Variants in TNNI3K observed in about 807,000 individuals in gnomAD.
TNNI3K encodes the protein serine/threonine-protein kinase TNNI3K.
TNNI3K carries 140 observed loss-of-function variants against 114.5 expected under a neutral mutation model. The ratio of observed to expected loss-of-function variants is 1.22; its 90% CI spans 1.07 to 1.41. The LOEUF is 1.41. Ranked by LOEUF, TNNI3K falls within the 40% of genes most tolerant of loss-of-function variation. TNNI3K has a pLI of 0.00. For synonymous variants in TNNI3K, 347 were observed against 347.5 expected, an observed-to-expected ratio of 1.00 and a Z score of 0.02; for missense variants, 1,125 against 1,007.6, an observed-to-expected ratio of 1.12 and a Z score of -1.58.
chr1:74,485,464 T>A (rs1406652597), intron 21 of TNNI3K, among the ~76,000 whole-genome samples: 1 of 152,192 alleles, frequency 6.6e-6, no homozygotes, highest in Non-Finnish European at 1.5e-5. Context: ...CAGGATCTCC[T>A]CTCATTCTCT....
At chr1:74,364,753 A>C (rs527369535) in intron 11 of TNNI3K, among the ~76,000 whole-genome samples, 7 of 152,148 alleles carry the variant, frequency 4.6e-5, no homozygotes, top group African/African-American at 1.7e-4. Flanking sequence ...GACTAAGCCA[A>C]CCATTGCTGG....
intron 21 of TNNI3K, chr1:74,471,571 T>C: frequency 2.5e-6 from 1 of 400,714 alleles, no homozygotes; most frequent in Non-Finnish European, 4.4e-6. Context: ...TTTGTTTCTC[T>C]CCCCAGTGTT....
At chr1:74,308,875 T>G (rs72964845) in intron 5 of TNNI3K, among the ~76,000 whole-genome samples, 2,778 of 152,154 alleles carry the variant, frequency 0.018, 86 homozygotes, top group African/African-American at 0.064. Context: ...TATAAATATC[T>G]CTGTGTACAC....
At chr1:74,287,800 T>C (rs1369912650) in intron 5 of TNNI3K, among the ~76,000 whole-genome samples, 2 of 152,066 alleles carry the variant, frequency 1.3e-5, no homozygotes, top group Admixed American at 6.6e-5. Context: ...AGACAACTTA[T>C]GAAATGGGAG....
intron 17 of TNNI3K, among the ~76,000 whole-genome samples, chr1:74,431,291 C>T (rs1306905221): frequency 6.6e-6 from 1 of 151,962 alleles, no homozygotes; most frequent in Non-Finnish European, 1.5e-5. Context: ...TATGTAGTAC[C>T]TCCTGTTCCT....
At chr1:74,391,587 A>ATTTT (rs766663580) in intron 17 of TNNI3K, among the ~76,000 whole-genome samples, 5 of 152,366 alleles carry the variant, frequency 3.3e-5, no homozygotes, top group African/African-American at 4.8e-5. Context: ...TTAGACATTT[A>ATTTT]AGAAGAGACC....
At chr1:74,380,154 A>G (rs1187431672) in intron 17 of TNNI3K, among the ~76,000 whole-genome samples, 4 of 152,060 alleles carry the variant, frequency 2.6e-5, no homozygotes, top group Admixed American at 6.6e-5. Context: ...CAGACAGACA[A>G]ATTCCCCAAT....
intron 23 of TNNI3K, among the ~76,000 whole-genome samples, chr1:74,505,524 A>G (rs1669848383): frequency 6.6e-6 from 1 of 152,234 alleles, no homozygotes; most frequent in Admixed American, 6.5e-5. Context: ...GGCTCTGAAC[A>G]GTTTAACAGG....
intron 4 of TNNI3K, among the ~76,000 whole-genome samples, chr1:74,269,815 T>C (rs1468636285): frequency 2.0e-5 from 3 of 151,822 alleles, no homozygotes; most frequent in Admixed American, 2.0e-4. Context: ...TTTATCAGAT[T>C]GTATAATAAT....
intron 9 of TNNI3K, among the ~76,000 whole-genome samples, chr1:74,349,476 C>G (rs887009496): frequency 1.6e-4 from 25 of 152,100 alleles, no homozygotes; most frequent in African/African-American, 5.8e-4. Flanking sequence ...CAGGATGATG[C>G]CGGCCTCATA....
At position 74,459,514 on chromosome 1, in the gene TNNI3K, G is replaced by A. The variant is rs138263872; in HGVS notation, c.2012-3927G>A. 1.8e-3 allele frequency among the ~76,000 whole-genome samples: 278 copies of A among 152,164 alleles called. 1 individual carries two copies. The highest frequency in any genetic ancestry group is 6.3e-3 in the African/African-American group (260 of 41,526). ...GAGAACATTCCAGGCAAAAGGAATCGCATTTTAGAATTAACAACTGAACCA... is the reference window on the plus strand; with the variant it reads ...GAGAACATTCCAGGCAAAAGGAATCACATTTTAGAATTAACAACTGAACCA... On this transcript the variant is annotated intron_variant, in intron 20 of 24. Transcript: ENST00000326637.
intron 5 of TNNI3K, among the ~76,000 whole-genome samples, chr1:74,275,925 C>A (rs1161640853): frequency 6.6e-6 from 1 of 151,932 alleles, no homozygotes; most frequent in African/African-American, 2.4e-5. Flanking sequence ...TTAGAAGAAC[C>A]AATGTGATTT....
In TNNI3K at chr1:74,331,149, G is replaced by A. The variant is rs555771268; in HGVS notation, c.445-301G>A. On this transcript the variant is annotated intron_variant, in intron 5 of 24. Coordinates refer to ENST00000326637, the MANE Select transcript of TNNI3K (RefSeq NM_015978.3). ...GAAATAATGTGAACAAAGCCTCAAA[G>A]GAGCAGGAAGCTGGATGCAGTTTGA... is the stretch of plus-strand genomic sequence containing the variant. Among the ~76,000 whole-genome samples the A allele has an allele frequency of 5.3e-5, 8 of 152,244 alleles. No homozygotes were observed. The East Asian group carries it at 5.8e-4, about 11-fold the overall frequency.
intron 18 of TNNI3K, 87 bp downstream of exon 18, chr1:74,436,219 C>G (rs1666122540): frequency 6.6e-7 from 1 of 1,525,352 alleles, no homozygotes; most frequent in Admixed American, 1.8e-5. Context: ...AAACTGAACA[C>G]TGAACACTGA....
chr1:74,350,823 A>G (rs1438269684), intron 9 of TNNI3K, among the ~76,000 whole-genome samples: 2 of 151,892 alleles, frequency 1.3e-5, no homozygotes, highest in South Asian at 2.1e-4. Flanking sequence ...TGCTTGGTAG[A>G]TCTTCCTCCA....
At chr1:74,307,684 G>A (rs1658728629) in intron 5 of TNNI3K, among the ~76,000 whole-genome samples, 1 of 152,134 alleles carries the variant, frequency 6.6e-6, no homozygotes, top group Non-Finnish European at 1.5e-5. Context: ...CAACCATTCA[G>A]TAACAGTGGA....
intron 23 of TNNI3K, among the ~76,000 whole-genome samples, chr1:74,514,525 T>C (rs1421476205): frequency 6.6e-6 from 1 of 152,214 alleles, no homozygotes. Context: ...GAACCTACTA[T>C]GTACTAGTAC....
At chr1:74,507,221 T>TCCCCC (rs145167420) in intron 23 of TNNI3K, among the ~76,000 whole-genome samples, 3 of 85,924 alleles carry the variant, frequency 3.5e-5, no homozygotes, top group Non-Finnish European at 5.2e-5. Context: ...TTAAATTTCT[T>TCCCCC]CACCCCCCCC....
chr1:74,431,007 TTTA>T (rs1368787839), intron 17 of TNNI3K, among the ~76,000 whole-genome samples: 2 of 152,154 alleles, frequency 1.3e-5, no homozygotes. Context: ...TGTATACAGC[TTTA>T]TTGTTTACAA....
Sources: gnomAD v4.1 joint callset for allele counts (sites outside exome capture counted in the v4.1 genomes callset) on GRCh38, gnomAD v4.1.1 for gene constraint, MANE v1.5 for transcripts, NCBI Gene and HGNC (gene_info 2026-07-23, HGNC 2026-07-21) for gene names.